ALDH7A1: variants seen among roughly 807,000 people sequenced by gnomAD.
ALDH7A1 encodes alpha-aminoadipic semialdehyde dehydrogenase.
Under a neutral mutation model 79.9 loss-of-function variants are expected in ALDH7A1, and 63 were observed. The observed-to-expected ratio is 0.79, with a 90% CI of 0.64 to 0.97. The LOEUF is 0.97. Among genes scored for constraint, ALDH7A1 ranks in the 50% least tolerant of loss-of-function variants. The pLI is 0.00. For missense variants in ALDH7A1, 627 were observed against 665.2 expected, an observed-to-expected ratio of 0.94 and a Z score of 0.63; for synonymous variants, 240 against 231.2, an observed-to-expected ratio of 1.04 and a Z score of -0.34.
intron 13 of ALDH7A1, 42 bp downstream of exon 13, chr5:126,554,245 A>C: frequency 6.4e-7 from 1 of 1,567,364 alleles, no homozygotes; most frequent in East Asian, 2.2e-5. Flanking sequence ...AGGGAAAAGA[A>C]GGTTAAAAAG....
intron 3 of ALDH7A1, among the ~76,000 whole-genome samples, chr5:126,585,627 T>C (rs888084933): frequency 3.9e-5 from 6 of 152,212 alleles, no homozygotes; most frequent in Admixed American, 3.3e-4. Context: ...AGTGGCGCGA[T>C]CTCGGCTCAG....
chr5:126,554,838 G>C, intron 12 of ALDH7A1: 1 of 289,846 alleles, frequency 3.5e-6, no homozygotes. Context: ...ATAATTCAAG[G>C]GGGAAGAGAA....
At chr5:126,565,562 CT>C (rs1750554273) in intron 9 of ALDH7A1, among the ~76,000 whole-genome samples, 1 of 152,070 alleles carries the variant, frequency 6.6e-6, no homozygotes, top group Non-Finnish European at 1.5e-5. Flanking sequence ...GTAGGTTGTT[CT>C]TTTCACTTTT....
rs1749791472 is a variant in ALDH7A1 at position 126,546,497 on chromosome 5, C to T, written c.1490-98G>A. The T allele has an allele frequency of 7.6e-6, 8 of 1,059,408 alleles. No individual in the cohort carries two copies. In the Admixed American group the frequency reaches 1.5e-4, roughly 20 times the overall value. The allele number at this position is 1,059,408 out of a possible 1,614,324, so 65.6% of individuals were successfully genotyped here. ...AGAAGATACCAAAAGGACACCAGAA[C>T]AACCTGATTATTTACTTTACATTTA... On this transcript the variant is annotated intron_variant, in intron 16 of 17. Transcript: ENST00000409134.
intron 16 of ALDH7A1, among the ~76,000 whole-genome samples, chr5:126,548,141 T>G (rs190208124): frequency 6.6e-6 from 1 of 152,170 alleles, no homozygotes; most frequent in East Asian, 1.9e-4. Flanking sequence ...TTATAAGACT[T>G]TTTTAAAACT....
intron 10 of ALDH7A1, 93 bp from the exon 11 acceptor site, chr5:126,559,427 G>A (rs747670241): frequency 2.6e-6 from 2 of 783,134 alleles, no homozygotes; most frequent in Non-Finnish European, 3.8e-6. Flanking sequence ...TTTTGTTTTT[G>A]GTTTTGGTTT....
chr5:126,547,685 AGACAG>A (rs1202962754), intron 16 of ALDH7A1, among the ~76,000 whole-genome samples: 13 of 152,240 alleles, frequency 8.5e-5, no homozygotes, highest in African/African-American at 3.1e-4. Context: ...GCTTTCAAGG[AGACAG>A]CAGTGAAAGC....
chr5:126,569,088 G>A (rs1041607537), intron 8 of ALDH7A1: 5 of 152,536 alleles, frequency 3.3e-5, no homozygotes, highest in Admixed American at 6.5e-5. Context: ...GCAACCTGGC[G>A]AGCATTACTG....
intron 6 of ALDH7A1, among the ~76,000 whole-genome samples, chr5:126,575,816 A>T (rs1160160914): frequency 6.6e-6 from 1 of 152,224 alleles, no homozygotes; most frequent in African/African-American, 2.4e-5. Flanking sequence ...AAACTCAGAG[A>T]GCTGAGGAAA....
intron 3 of ALDH7A1, among the ~76,000 whole-genome samples, chr5:126,590,681 T>C (rs1338831810): frequency 6.6e-6 from 1 of 151,980 alleles, no homozygotes; most frequent in Admixed American, 6.6e-5. Context: ...ACTTAGGAGT[T>C]CGAGACCGCC....
At chr5:126,554,244 A>G (rs1357663732) in intron 13 of ALDH7A1, 43 bp downstream of exon 13, 2 of 1,564,544 alleles carry the variant, frequency 1.3e-6, no homozygotes, top group East Asian at 4.5e-5. Context: ...CAGGGAAAAG[A>G]AGGTTAAAAA....
At chr5:126,563,064 T>C (rs548780604) in intron 9 of ALDH7A1, among the ~76,000 whole-genome samples, 17 of 152,304 alleles carry the variant, frequency 1.1e-4, no homozygotes, top group African/African-American at 3.8e-4. Context: ...GGCTGTATGA[T>C]CATGTGAATG....
chr5:126,589,504 G>A (rs1561670710), intron 3 of ALDH7A1, among the ~76,000 whole-genome samples: 1 of 151,968 alleles, frequency 6.6e-6, no homozygotes, highest in Admixed American at 6.6e-5. Context: ...AGGAAGGCCA[G>A]GTGAAGTGGC....
Position 126,555,988 on chromosome 5 carries a change from C to T in ALDH7A1, c.1036G>A (p.Val346Ile), listed in dbSNP as rs780813341. The T allele has an allele frequency of 1.9e-6, 3 of 1,613,492 alleles. No individual in the cohort carries two copies. The highest frequency in any genetic ancestry group is 2.5e-6 in the Non-Finnish European group (3 of 1,179,624). ...TAGGCCTTTTTAAGTCTGTTTACAA[C>T]CTCATCATGGATGCTTTCATGTATA... ...LFIHESIHDE[V>I]VNRLKKAYAQ... The change falls in exon 12 of 18, where the codon GTT becomes ATT. Residue 346 changes from valine to isoleucine, a missense_variant. Val to Ile is a conservative substitution (Grantham distance 29). Transcript: ENST00000409134.
chr5:126,550,124 C>T (rs1749939280), intron 15 of ALDH7A1, 72 bp downstream of exon 15: 2 of 1,530,558 alleles, frequency 1.3e-6, no homozygotes, highest in South Asian at 1.1e-5. Context: ...TTTTAGACTA[C>T]AGCAGTTTTT....
At position 126,595,216 on chromosome 5, in the gene ALDH7A1, G is replaced by C. The variant is rs796052254; in HGVS notation, c.-18C>G. 2 of 1,551,582 alleles carry C rather than the reference G, an allele frequency of 1.3e-6. No homozygotes were observed. Among genetic ancestry groups the C allele is most frequent in the African/African-American group, 2.7e-5 (2 of 73,056 alleles). ...CGCCACATACTGAGCCCGGGACTCG[G>C]GATGAGCCCAAGGCCCTGAGAGCTG... On this transcript the variant is annotated 5_prime_UTR_variant, in exon 1 of 18. Transcript: ENST00000409134.
intron 17 of ALDH7A1, 132 bp downstream of exon 17, chr5:126,546,192 A>G: frequency 1.2e-6 from 1 of 830,218 alleles, no homozygotes. Flanking sequence ...TACTTAGAGG[A>G]GACAGCTGTG....
chr5:126,573,890 C>T (rs1172409028), intron 7 of ALDH7A1, among the ~76,000 whole-genome samples: 4 of 150,756 alleles, frequency 2.7e-5, no homozygotes, highest in East Asian at 2.0e-4. Context: ...ATTAGCCCGG[C>T]GTGGTGGCCC....
intron 5 of ALDH7A1, among the ~76,000 whole-genome samples, chr5:126,577,870 A>G (rs1751032630): frequency 6.7e-6 from 1 of 150,320 alleles, no homozygotes; most frequent in Non-Finnish European, 1.5e-5. Flanking sequence ...CTGGCCTCAC[A>G]TATTCTTTAT....
Sources: allele counts gnomAD v4.1 joint callset (sites outside exome capture counted in the v4.1 genomes callset), GRCh38; gene constraint gnomAD v4.1.1; transcripts MANE v1.5; gene names NCBI Gene and HGNC (gene_info 2026-07-23, HGNC 2026-07-21).